TUSC3: variants seen among roughly 807,000 people sequenced by gnomAD.
TUSC3 encodes dolichyl-diphosphooligosaccharide--protein glycosyltransferase subunit TUSC3.
In TUSC3, 45 loss-of-function variants were observed where a neutral mutation model predicts 44.8. The observed-to-expected ratio is 1.00, with a 90% CI of 0.79 to 1.29. The LOEUF (loss-of-function observed/expected upper bound fraction) is 1.29. TUSC3 is among the 50% of genes most tolerant of loss of function. TUSC3 has a pLI of 0.00. For missense variants in TUSC3, 519 were observed against 437.9 expected (o/e 1.19, Z -1.65); for synonymous variants, 212 against 152.9 (o/e 1.39, Z -2.85).
At chr8:15,799,830 C>T in the TUSC3 span, among the ~76,000 whole-genome samples, 6 of 152,146 alleles carry the variant, frequency 3.9e-5, no homozygotes, top group East Asian at 9.6e-4. Context: ...TGTCGATAGA[C>T]CTCATAAGAC....
At chr8:15,554,129 G>A (rs1268186753) in intron 1 of TUSC3, among the ~76,000 whole-genome samples, 1 of 143,128 alleles carries the variant, frequency 7.0e-6, no homozygotes, top group African/African-American at 2.5e-5. Context: ...AGCTCCCTTG[G>A]ACCTATGGAT....
intron 6 of TUSC3, among the ~76,000 whole-genome samples, chr8:15,677,495 C>G (rs759518216): frequency 2.5e-4 from 38 of 152,202 alleles, no homozygotes; most frequent in Non-Finnish European, 4.9e-4. Context: ...AACTCTGACT[C>G]TTACCAGGTC....
At position 15,595,003 on chromosome 8, in the gene TUSC3, T is replaced by A. The variant is rs116515501; in HGVS notation, c.139-28077T>A. 4.9e-3 allele frequency among the ~76,000 whole-genome samples: 750 copies of A among 152,198 alleles called. 11 individuals carry two copies. The highest frequency in any genetic ancestry group is 0.017 in the African/African-American group (719 of 41,542). ...GGTTTTATACTTCGGGGCAATATGATACTCTGGGCTAAAGCTCTGAAGGAC... is the reference window on the plus strand; with the variant it reads ...GGTTTTATACTTCGGGGCAATATGAAACTCTGGGCTAAAGCTCTGAAGGAC... On this transcript the variant is annotated intron_variant, in intron 1 of 10. Transcript: ENST00000503731.
chr8:15,628,486 A>T (rs896652442), intron 2 of TUSC3, among the ~76,000 whole-genome samples: 4 of 152,134 alleles, frequency 2.6e-5, no homozygotes, highest in African/African-American at 7.2e-5. Flanking sequence ...ATTTTAAAAG[A>T]GTTTTGGATT....
At chr8:15,501,517 G>A (rs1231923723) in intron 2 of TUSC3, among the ~76,000 whole-genome samples, 1 of 152,166 alleles carries the variant, frequency 6.6e-6, no homozygotes, top group East Asian at 1.9e-4. Flanking sequence ...CATAGTAAAT[G>A]TTTATTGAAT....
chr8:15,826,729 G>T, the TUSC3 span, among the ~76,000 whole-genome samples: 1 of 151,782 alleles, frequency 6.6e-6, no homozygotes, highest in African/African-American at 2.4e-5. Flanking sequence ...TTCAAAGGCA[G>T]GAAGAGGAAT....
the TUSC3 span, among the ~76,000 whole-genome samples, chr8:15,838,028 C>T: frequency 6.6e-6 from 1 of 151,916 alleles, no homozygotes; most frequent in South Asian, 2.1e-4. Flanking sequence ...TACTTCTTTG[C>T]TAGTGGATGG....
chr8:15,504,616 TA>T (rs1801025662), intron 2 of TUSC3, among the ~76,000 whole-genome samples: 59 of 24,056 alleles, frequency 2.5e-3, no homozygotes, highest in Non-Finnish European at 2.9e-3. Context: ...TATATATATA[TA>T]TATATTTTTT....
chr8:15,556,239 G>A (rs976673559), intron 1 of TUSC3, among the ~76,000 whole-genome samples: 1 of 143,088 alleles, frequency 7.0e-6, no homozygotes, highest in Non-Finnish European at 1.5e-5. Context: ...CCCCACCTAT[G>A]AGTGAGAATA....
At chr8:15,629,697 A>G (rs909853270) in intron 2 of TUSC3, among the ~76,000 whole-genome samples, 2 of 151,004 alleles carry the variant, frequency 1.3e-5, no homozygotes, top group African/African-American at 4.9e-5. Context: ...TAAAAATCGT[A>G]GTACTTTCCT....
At position 15,580,838 on chromosome 8, in the gene TUSC3, G is replaced by A. The variant is rs150055182; in HGVS notation, c.138+40270G>A. Among the ~76,000 whole-genome samples, 215 of 144,466 alleles carry A rather than the reference G, an allele frequency of 1.5e-3. 15 individuals carry two copies. The East Asian group carries it at 0.039, about 26-fold the overall frequency. 94.8% of individuals were successfully genotyped at this position (144,466 alleles called of 152,430 possible). Reference sequence around the variant, plus strand: ...GAGGAGTATCTTTGTGGCATTCCCTGTATTTCCTTAATCTGAACGTTGGCC... The same window carrying A: ...GAGGAGTATCTTTGTGGCATTCCCTATATTTCCTTAATCTGAACGTTGGCC... On this transcript the variant is annotated intron_variant, in intron 1 of 10. Coordinates refer to ENST00000503731, the MANE Select transcript of TUSC3 (RefSeq NM_006765.4).
intron 1 of TUSC3, among the ~76,000 whole-genome samples, chr8:15,555,424 G>T (rs1025348876): frequency 6.7e-6 from 1 of 150,040 alleles, no homozygotes; most frequent in Non-Finnish European, 1.5e-5. Context: ...AGCCTCCCCA[G>T]TAGCTGGGAC....
chr8:15,770,137 A>G (rs1215517154), downstream of TUSC3, among the ~76,000 whole-genome samples: 1 of 152,218 alleles, frequency 6.6e-6, no homozygotes, highest in Non-Finnish European at 1.5e-5. Flanking sequence ...CACTGTTCAT[A>G]ATAGCAAAGA....
chr8:15,546,763 G>A (rs1334307639), intron 1 of TUSC3, among the ~76,000 whole-genome samples: 2 of 151,484 alleles, frequency 1.3e-5, no homozygotes, highest in East Asian at 3.9e-4. Flanking sequence ...TGTAACTCCC[G>A]ACCTCAGGTG....
chr8:15,538,884 C>G (rs74534382), upstream of TUSC3, among the ~76,000 whole-genome samples: 2 of 151,892 alleles, frequency 1.3e-5, no homozygotes, highest in Admixed American at 1.3e-4. Flanking sequence ...GGGTTTTGCT[C>G]TGTCTCCCAG....
intron 1 of TUSC3, among the ~76,000 whole-genome samples, chr8:15,612,935 C>T (rs1043181452): frequency 6.6e-6 from 1 of 151,904 alleles, no homozygotes; most frequent in Non-Finnish European, 1.5e-5. Context: ...TTTAAAGGAG[C>T]CACAATATCA....
intron 1 of TUSC3, among the ~76,000 whole-genome samples, chr8:15,621,811 T>C (rs770973569): frequency 2.6e-5 from 4 of 151,830 alleles, no homozygotes; most frequent in Admixed American, 1.3e-4. Context: ...TCATTAGCTG[T>C]GATTTTTCTT....
chr8:15,602,339 G>C (rs1026673833), intron 1 of TUSC3, among the ~76,000 whole-genome samples: 3 of 151,580 alleles, frequency 2.0e-5, no homozygotes, highest in African/African-American at 7.3e-5. Flanking sequence ...AGTTTGATTT[G>C]TCTGGACAAA....
intron 2 of TUSC3, among the ~76,000 whole-genome samples, chr8:15,644,122 A>C (rs180745285): frequency 6.6e-6 from 1 of 152,226 alleles, no homozygotes; most frequent in Admixed American, 6.5e-5. Flanking sequence ...TTAGTTTTAC[A>C]TAACCTTTTA....
Sources: allele counts gnomAD v4.1 joint callset (sites outside exome capture counted in the v4.1 genomes callset), GRCh38; gene constraint gnomAD v4.1.1; transcripts MANE v1.5; gene names NCBI Gene and HGNC (gene_info 2026-07-23, HGNC 2026-07-21).